The following C1orf87 variants were observed in gnomAD, a reference collection of about 807,000 sequenced individuals.
The protein encoded by C1orf87 is chromosome 1 open reading frame 87.
C1orf87 carries 58 observed loss-of-function variants against 60.5 expected under a neutral mutation model. The ratio of observed to expected loss-of-function variants is 0.96; its 90% CI spans 0.78 to 1.19. C1orf87 has a LOEUF of 1.19. Ranked by LOEUF, C1orf87 falls within the 50% of genes most tolerant of loss-of-function variation. The pLI is 0.00. For synonymous variants in C1orf87, 236 were observed against 227.4 expected, an observed-to-expected ratio of 1.04 and a Z score of -0.34; for missense variants, 673 against 638.6, an observed-to-expected ratio of 1.05 and a Z score of -0.58.
At chr1:59,995,762 G>A (rs1189671131) in intron 11 of C1orf87, among the ~76,000 whole-genome samples, 3 of 152,180 alleles carry the variant, frequency 2.0e-5, no homozygotes, top group Non-Finnish European at 4.4e-5. Context: ...GGGCTCAAGT[G>A]ATCTTCCCAC....
chr1:60,061,451 A>C (rs1305225855), intron 2 of C1orf87, among the ~76,000 whole-genome samples: 1 of 152,096 alleles, frequency 6.6e-6, no homozygotes, highest in Non-Finnish European at 1.5e-5. Context: ...AACATTTTAA[A>C]TGTCTAATGG....
At chr1:60,000,943 A>T in intron 10 of C1orf87, 134 bp downstream of exon 10, 1 of 691,736 alleles carries the variant, frequency 1.4e-6, no homozygotes, top group South Asian at 1.8e-5. Flanking sequence ...AGAGTCTTGA[A>T]GTCAAAGACA....
At chr1:60,037,943 AGACT>A in intron 6 of C1orf87, 45 bp downstream of exon 6, 1 of 1,278,192 alleles carries the variant, frequency 7.8e-7, no homozygotes, top group Non-Finnish European at 1.1e-6. Context: ...CAGCCCACAC[AGACT>A]AAGACACCTA....
At chr1:60,051,600 G>C (rs1255323844) in intron 3 of C1orf87, among the ~76,000 whole-genome samples, 2 of 152,162 alleles carry the variant, frequency 1.3e-5, no homozygotes, top group Non-Finnish European at 2.9e-5. Flanking sequence ...CTGTAGATGT[G>C]AGCATAAATG....
At chr1:60,015,719 C>A (rs1645120247) in intron 8 of C1orf87, among the ~76,000 whole-genome samples, 1 of 152,138 alleles carries the variant, frequency 6.6e-6, no homozygotes, top group African/African-American at 2.4e-5. Context: ...AGAACCCACC[C>A]TAACAGTCTC....
At chr1:60,033,418 C>A in intron 7 of C1orf87, 58 bp downstream of exon 7, 1 of 1,519,408 alleles carries the variant, frequency 6.6e-7, no homozygotes, top group Non-Finnish European at 9.0e-7. Context: ...TTGCTATAGA[C>A]CCAATGCCCT....
At chr1:60,011,429 C>T (rs1645084338) in intron 8 of C1orf87, among the ~76,000 whole-genome samples, 1 of 151,872 alleles carries the variant, frequency 6.6e-6, no homozygotes, top group Non-Finnish European at 1.5e-5. Flanking sequence ...TTATCCCTTC[C>T]TCCCTTCTTC....
intron 8 of C1orf87, among the ~76,000 whole-genome samples, chr1:60,023,075 G>A (rs74770029): frequency 0.055 from 8,341 of 152,210 alleles, 318 homozygotes; most frequent in Middle Eastern, 0.16. Flanking sequence ...ACAGAAAGGG[G>A]AAGGCTACTA....
At chr1:60,052,798 G>T (rs978028606) in intron 3 of C1orf87, among the ~76,000 whole-genome samples, 3 of 152,210 alleles carry the variant, frequency 2.0e-5, no homozygotes, top group African/African-American at 7.2e-5. Flanking sequence ...TGTAACTGCG[G>T]CAGGATTCCA....
At chr1:60,004,926 C>T (rs147845660) in intron 9 of C1orf87, among the ~76,000 whole-genome samples, 2 of 151,926 alleles carry the variant, frequency 1.3e-5, no homozygotes, top group African/African-American at 4.8e-5. Flanking sequence ...CCCACCTGGG[C>T]AGCTTTAAAA....
Position 59,990,571 on chromosome 1 carries a change from T to G in C1orf87, c.*102A>C. On this transcript the variant is annotated 3_prime_UTR_variant, in exon 12 of 12. Coordinates refer to ENST00000371201, the MANE Select transcript of C1orf87 (RefSeq NM_152377.3). ...CTACAATAGCTGCATCGGCCTCCAC[T>G]CTGACAATGCCTCCGCCACTACACT... 1 of 1,404,426 alleles carries G rather than the reference T, an allele frequency of 7.1e-7. No homozygotes were observed. The highest frequency in any genetic ancestry group is 2.0e-5 in the Admixed American group (1 of 50,798). 87.0% of individuals were successfully genotyped at this position (1,404,426 alleles called of 1,614,324 possible).
intron 8 of C1orf87, among the ~76,000 whole-genome samples, chr1:60,019,819 C>T (rs1458790951): frequency 1.3e-5 from 2 of 152,168 alleles, no homozygotes; most frequent in Non-Finnish European, 2.9e-5. Flanking sequence ...TTTAGGGTAT[C>T]TGGCAGAAGA....
At chr1:60,034,791 T>C (rs1312717900) in intron 6 of C1orf87, among the ~76,000 whole-genome samples, 1 of 152,220 alleles carries the variant, frequency 6.6e-6, no homozygotes, top group Non-Finnish European at 1.5e-5. Context: ...TTTTCAAGTC[T>C]GACTTCCTCC....
chr1:60,051,536 A>G (rs1294471989), intron 3 of C1orf87, among the ~76,000 whole-genome samples: 1 of 152,198 alleles, frequency 6.6e-6, no homozygotes, highest in Non-Finnish European at 1.5e-5. Context: ...TCCACTTTAG[A>G]GCCAAGCCCA....
Position 60,033,562 on chromosome 1 carries a change from T to C in C1orf87, c.943A>G (p.Thr315Ala). The C allele has an allele frequency of 6.2e-7, 1 of 1,613,814 alleles. No individual in the cohort carries two copies. The highest frequency in any genetic ancestry group is 8.5e-7 in the Non-Finnish European group (1 of 1,179,830). ...LEILKMALRT[T>A]NGRLNIDNLN... Reference sequence around the variant, plus strand: ...TTGTCTATGTTGAGTCTGCCATTGGTTGTCCTTAGTGCCATCTTCAAAATC... The same window carrying C: ...TTGTCTATGTTGAGTCTGCCATTGGCTGTCCTTAGTGCCATCTTCAAAATC... Residue 315 changes from threonine to alanine, a missense_variant, in exon 7 of 12, where the codon ACC becomes GCC. Transcript: ENST00000371201.
chr1:60,056,738 T>C (rs1361592528), intron 2 of C1orf87, among the ~76,000 whole-genome samples: 1 of 152,228 alleles, frequency 6.6e-6, no homozygotes, highest in Non-Finnish European at 1.5e-5. Context: ...AGTATTATTG[T>C]TCTAAATTTT....
At chr1:60,024,269 C>T (rs642885) in intron 8 of C1orf87, among the ~76,000 whole-genome samples, 1 of 151,946 alleles carries the variant, frequency 6.6e-6, no homozygotes, top group Non-Finnish European at 1.5e-5. Flanking sequence ...AATTAAGTTG[C>T]TCAAAAACAT....
At chr1:60,002,384 G>A (rs535177943) in intron 9 of C1orf87, among the ~76,000 whole-genome samples, 1 of 152,198 alleles carries the variant, frequency 6.6e-6, no homozygotes, top group Non-Finnish European at 1.5e-5. Context: ...GGACTAGAAA[G>A]TGTAAAGCAA....
intron 8 of C1orf87, among the ~76,000 whole-genome samples, chr1:60,024,691 G>A (rs1418190325): frequency 6.6e-6 from 1 of 152,150 alleles, no homozygotes; most frequent in Non-Finnish European, 1.5e-5. Flanking sequence ...AGAATGCTGG[G>A]CTCTGCCTGA....
Sources: allele counts gnomAD v4.1 joint callset (sites outside exome capture counted in the v4.1 genomes callset), GRCh38; gene constraint gnomAD v4.1.1; transcripts MANE v1.5; gene names NCBI Gene and HGNC (gene_info 2026-07-23, HGNC 2026-07-21).